The following SLC26A4 variants were observed in gnomAD, a reference collection of about 807,000 sequenced individuals.
SLC26A4 encodes pendrin.
In SLC26A4, 93 loss-of-function variants were observed where a neutral mutation model predicts 90.4. The ratio of observed to expected loss-of-function variants is 1.03; its 90% confidence interval spans 0.87 to 1.22. The LOEUF (loss-of-function observed/expected upper bound fraction) is 1.22, where lower values mean the gene tolerates loss of function less well. SLC26A4 is among the 50% of genes most tolerant of loss of function. The pLI is 0.00. For synonymous variants in SLC26A4, 393 were observed against 354.6 expected, an observed-to-expected ratio of 1.11 and a Z score of -1.22; for missense variants, 1,127 against 946.2, an observed-to-expected ratio of 1.19 and a Z score of -2.51.
Position 107,690,157 on chromosome 7 carries a change from T to C in SLC26A4, c.1183T>C (p.Ser395Pro). The change falls in exon 10 of 21, where the codon TCA (serine) becomes CCA (proline). Residue 395 changes from serine to proline, a missense_variant. By Grantham distance (74) the Ser-to-Pro change is moderately conservative. Transcript: ENST00000644269. ...FIAFGISNIF[S>P]GFFSCFVATT... ...TGCCTTTGGGATCAGCAACATCTTC[T>C]CAGGATTCTTCTCTTGTTTTGTGGC... is the stretch of plus-strand genomic sequence containing the variant. The C allele has an allele frequency of 6.2e-7, 1 of 1,613,058 alleles. No homozygotes were observed. The highest frequency in any genetic ancestry group is 1.1e-5 in the South Asian group (1 of 91,066).
chr7:107,672,200 C>T lies in SLC26A4; in HGVS notation c.367C>T (p.Pro123Ser), dbSNP rs984967571. The stretch of plus-strand genomic sequence containing the variant: ...ATATGGTCTCTACTCTGCTTTTTTC[C>T]CTATCCTGACATACTTTATCTTTGG... ...VGYGLYSAFF[P>S]ILTYFIFGTS... The change falls in exon 4 of 21, where the codon CCT becomes TCT. Residue 123 changes from proline (P) to serine (S), a missense_variant. Transcript: ENST00000644269. 1.2e-6 allele frequency: 2 copies of T among 1,612,202 alleles called. No homozygotes were observed. Among genetic ancestry groups the T allele is most frequent in the Admixed American group, 1.7e-5 (1 of 59,996 alleles).
intron 15 of SLC26A4, 94 bp downstream of exon 15, chr7:107,700,269 C>T (rs868341196): frequency 8.1e-5 from 58 of 717,690 alleles, no homozygotes; most frequent in Middle Eastern, 7.0e-4. Context: ...AGGAATAGGC[C>T]CTAGACCCTC....
At position 107,715,442 on chromosome 7, in the gene SLC26A4, C is replaced by T. The variant is rs370715721; in HGVS notation, c.2339C>T (p.Ser780Phe). Residue 780 changes from serine (S) to phenylalanine (F), a missense_variant, in exon 21 of 21, where the codon TCC (serine) becomes TTC (phenylalanine). Coordinates refer to ENST00000644269, the MANE Select transcript of SLC26A4 (RefSeq NM_000441.2). Reference protein sequence around the residue: ...VQDEAMRTLAS With the variant: ...VQDEAMRTLAF Reference sequence around the variant, plus strand: ...CCACAGGCTATGCGTACACTTGCATCCTGAAAGTGGGTTCGGGAGGTCTCT... The same window carrying T: ...CCACAGGCTATGCGTACACTTGCATTCTGAAAGTGGGTTCGGGAGGTCTCT... The T allele has an allele frequency of 5.0e-6, 8 of 1,612,750 alleles. No individual in the cohort carries two copies. The highest frequency in any genetic ancestry group is 5.9e-6 in the Non-Finnish European group (7 of 1,178,866).
chr7:107,662,549 T>G (rs1278709434), intron 2 of SLC26A4, among the ~76,000 whole-genome samples: 1 of 152,070 alleles, frequency 6.6e-6, no homozygotes, highest in Non-Finnish European at 1.5e-5. Flanking sequence ...CTCCCTCCAG[T>G]ATTATTTTTA....
intron 13 of SLC26A4, 44 bp downstream of exon 13, chr7:107,696,083 A>C (rs200051413): frequency 6.7e-6 from 7 of 1,041,344 alleles, no homozygotes; most frequent in Non-Finnish European, 9.1e-6. Flanking sequence ...AGAACAACAC[A>C]CTCTGAGCTT....
At chr7:107,685,923 T>C (rs1005499839) in intron 8 of SLC26A4, among the ~76,000 whole-genome samples, 7 of 152,224 alleles carry the variant, frequency 4.6e-5, no homozygotes, top group Admixed American at 6.5e-5. Flanking sequence ...CATAACAAGA[T>C]TGACAGCTCT....
chr7:107,709,296 A>G (rs2129319737), intron 18 of SLC26A4, among the ~76,000 whole-genome samples: 1 of 152,306 alleles, frequency 6.6e-6, no homozygotes, highest in African/African-American at 2.4e-5. Flanking sequence ...TATTTGAGAC[A>G]GGGTCTTGCT....
In SLC26A4 at chr7:107,704,849, A is replaced by G. The variant is rs540198673; in HGVS notation, c.2089+464A>G. 2.7e-3 allele frequency among the ~76,000 whole-genome samples: 409 copies of G among 152,356 alleles called. 2 individuals carry two copies. Among genetic ancestry groups the G allele is most frequent in the Non-Finnish European group, 4.6e-3 (312 of 68,030 alleles). On this transcript the variant is annotated intron_variant, in intron 18 of 20. Transcript: ENST00000644269. ...ATTACCTCTCTCTCCTGATTTCTTC[A>G]AGTATCAGATAACAATTTAGTTTAG... is the stretch of plus-strand genomic sequence containing the variant.
At chr7:107,694,015 C>T (rs974691544) in intron 10 of SLC26A4, among the ~76,000 whole-genome samples, 8 of 152,106 alleles carry the variant, frequency 5.3e-5, no homozygotes, top group Non-Finnish European at 1.0e-4. Context: ...CCCAAGAATA[C>T]GACAATGATC....
chr7:107,679,655 A>G (rs904382098), intron 6 of SLC26A4, among the ~76,000 whole-genome samples: 1 of 151,514 alleles, frequency 6.6e-6, no homozygotes, highest in African/African-American at 2.4e-5. Context: ...CATTATCATA[A>G]TTTGAATTAT....
chr7:107,692,154 C>A, intron 10 of SLC26A4: 2 of 1,080,142 alleles, frequency 1.9e-6, no homozygotes, highest in Non-Finnish European at 2.4e-6. Flanking sequence ...CTAATACCCC[C>A]TGCCACATAC....
rs1554359675 is a variant in SLC26A4 at position 107,694,661 on chromosome 7, T to G, written c.1382T>G (p.Met461Arg). ...AAVVIANLKG[M>R]FMQLCDIPRL... is the part of the protein sequence containing the mutation. ...GTTGTAATTGCCAACCTGAAAGGGATGTTTATGCAGCTGTGTGACATTCCT... is the reference window on the plus strand; with the variant it reads ...GTTGTAATTGCCAACCTGAAAGGGAGGTTTATGCAGCTGTGTGACATTCCT... The change falls in exon 12 of 21, where the codon ATG becomes AGG. Residue 461 changes from methionine to arginine, a missense_variant. Coordinates refer to ENST00000644269, the MANE Select transcript of SLC26A4 (RefSeq NM_000441.2). The G allele has an allele frequency of 6.2e-7, 1 of 1,613,710 alleles. No individual in the cohort carries two copies. Among genetic ancestry groups the G allele is most frequent in the Non-Finnish European group, 8.5e-7 (1 of 1,179,750 alleles).
Position 107,674,238 on chromosome 7 carries a change from T to C in SLC26A4, c.490T>C (p.Ser164Pro). 1 of 1,614,134 alleles carries C rather than the reference T, an allele frequency of 6.2e-7. No homozygotes were observed. Among genetic ancestry groups the C allele is most frequent in the Non-Finnish European group, 8.5e-7 (1 of 1,180,002 alleles). The change falls in exon 5 of 21, where the codon TCC (serine) becomes CCC (proline). Residue 164 changes from serine (S) to proline (P), a missense_variant. Ser to Pro is a moderately conservative substitution (Grantham distance 74, BLOSUM62 -1). Transcript: ENST00000644269. ...SMAPDEHFLV[S>P]SSNGTVLNTT... Reference sequence around the variant, plus strand: ...GGCCCCCGACGAACACTTTCTCGTATCCAGCAGCAATGGAACTGTATTAAA... The same window carrying C: ...GGCCCCCGACGAACACTTTCTCGTACCCAGCAGCAATGGAACTGTATTAAA...
At position 107,674,252 on chromosome 7, in the gene SLC26A4, A is replaced by T; in HGVS notation, c.504A>T (p.Gly168=). 1 of 1,614,098 alleles carries T rather than the reference A, an allele frequency of 6.2e-7. No homozygotes were observed. The highest frequency in any genetic ancestry group is 8.5e-7 in the Non-Finnish European group (1 of 1,179,986). The change falls in exon 5 of 21, where the codon GGA becomes GGT. Residue 168 remains glycine (G), a synonymous_variant. Coordinates refer to ENST00000644269, the MANE Select transcript of SLC26A4 (RefSeq NM_000441.2). ...ACTTTCTCGTATCCAGCAGCAATGGAACTGTATTAAATACTACTATGATAG... is the reference window on the plus strand; with the variant it reads ...ACTTTCTCGTATCCAGCAGCAATGGTACTGTATTAAATACTACTATGATAG... The part of the protein sequence containing the change: ...DEHFLVSSSN[G]TVLNTTMIDT...
At chr7:107,712,924 G>C (rs1004191219) in intron 20 of SLC26A4, among the ~76,000 whole-genome samples, 1 of 152,098 alleles carries the variant, frequency 6.6e-6, no homozygotes, top group African/African-American at 2.4e-5. Context: ...TAAGGCCATG[G>C]GGTAGGAAAA....
intron 6 of SLC26A4, among the ~76,000 whole-genome samples, chr7:107,680,037 A>T (rs1439596646): frequency 7.6e-6 from 1 of 130,806 alleles, no homozygotes; most frequent in African/African-American, 3.0e-5. Context: ...ATATAATATA[A>T]TCTTATCTTA....
At chr7:107,700,548 T>G (rs1791858976) in intron 15 of SLC26A4, among the ~76,000 whole-genome samples, 1 of 152,194 alleles carries the variant, frequency 6.6e-6, no homozygotes, top group Non-Finnish European at 1.5e-5. Flanking sequence ...AGAAATCATG[T>G]CAAGTGTTTG....
intron 18 of SLC26A4, among the ~76,000 whole-genome samples, chr7:107,706,334 G>A (rs987772069): frequency 2.0e-5 from 3 of 152,198 alleles, no homozygotes; most frequent in African/African-American, 7.2e-5. Flanking sequence ...TGTGAGCCCA[G>A]CTACTTGGGA....
intron 12 of SLC26A4, among the ~76,000 whole-genome samples, chr7:107,695,470 A>G (rs541961860): frequency 2.0e-5 from 3 of 152,344 alleles, no homozygotes; most frequent in South Asian, 4.1e-4. Context: ...CCCAGTTTCT[A>G]CAGCTACTTA....
Sources: gnomAD v4.1 joint callset for allele counts (sites outside exome capture counted in the v4.1 genomes callset) on GRCh38, gnomAD v4.1.1 for gene constraint, MANE v1.5 for transcripts, NCBI Gene and HGNC (gene_info 2026-07-23, HGNC 2026-07-21) for gene names.